PCLO: variants seen among roughly 807,000 people sequenced by gnomAD.
The protein encoded by PCLO is piccolo presynaptic cytomatrix protein, also known as protein piccolo.
A neutral mutation model predicts 427.5 loss-of-function variants in PCLO; 82 were observed. The observed-to-expected ratio is 0.19, with a 90% CI of 0.16 to 0.23. The LOEUF (loss-of-function observed/expected upper bound fraction) is 0.23. Among genes scored for constraint, PCLO ranks in the 10% least tolerant of loss-of-function variants. The probability of loss-of-function intolerance (pLI) is 1.00; values close to 1 mark genes in which losing one functional copy is unlikely to be tolerated. For missense variants in PCLO, 6,239 were observed against 6,115.9 expected (o/e 1.02, Z -0.67); for synonymous variants, 2,357 against 2,155.4 (o/e 1.09, Z -2.59).
At chr7:82,793,342 C>T (rs947095358) in intron 22 of PCLO, among the ~76,000 whole-genome samples, 1 of 152,106 alleles carries the variant, frequency 6.6e-6, no homozygotes, top group South Asian at 2.1e-4. Context: ...GGTGAAGATG[C>T]AAAGCAGTAT....
intron 20 of PCLO, among the ~76,000 whole-genome samples, chr7:82,814,436 A>T (rs909564869): frequency 1.3e-5 from 2 of 151,300 alleles, no homozygotes; most frequent in African/African-American, 4.8e-5. Flanking sequence ...TAAGTTGGTG[A>T]CTTTTATATA....
chr7:83,009,022 C>T (rs1383118127), intron 3 of PCLO, among the ~76,000 whole-genome samples: 1 of 151,524 alleles, frequency 6.6e-6, no homozygotes, highest in Non-Finnish European at 1.5e-5. Flanking sequence ...CAATTCTATA[C>T]CCATAAATAT....
chr7:82,981,463 G>C (rs1357200747), intron 3 of PCLO, among the ~76,000 whole-genome samples: 1 of 152,024 alleles, frequency 6.6e-6, no homozygotes, highest in African/African-American at 2.4e-5. Context: ...AGAAAGATCA[G>C]AATTTCAAGA....
intron 9 of PCLO, among the ~76,000 whole-genome samples, chr7:82,888,239 T>G (rs1793674902): frequency 6.6e-6 from 1 of 152,168 alleles, no homozygotes; most frequent in South Asian, 2.1e-4. Flanking sequence ...TGGAACACAC[T>G]TGTACTGAGG....
intron 22 of PCLO, among the ~76,000 whole-genome samples, chr7:82,771,855 G>T (rs1306387437): frequency 2.0e-5 from 3 of 152,046 alleles, no homozygotes; most frequent in Non-Finnish European, 2.9e-5. Flanking sequence ...TTTGTGAGGA[G>T]TATATTCTGG....
chr7:82,836,604 A>C (rs1792239323), intron 15 of PCLO, among the ~76,000 whole-genome samples: 1 of 152,172 alleles, frequency 6.6e-6, no homozygotes, highest in Non-Finnish European at 1.5e-5. Context: ...TTTAAAATAA[A>C]ATTATTGAGA....
intron 4 of PCLO, among the ~76,000 whole-genome samples, chr7:82,963,413 G>A (rs767969884): frequency 1.3e-5 from 2 of 151,854 alleles, no homozygotes; most frequent in African/African-American, 2.4e-5. Context: ...TTATTTGTGC[G>A]ATTGCCAATT....
intron 3 of PCLO, among the ~76,000 whole-genome samples, chr7:83,106,018 G>A (rs1458562925): frequency 1.3e-5 from 2 of 152,178 alleles, no homozygotes; most frequent in East Asian, 3.9e-4. Context: ...ACACAGAGAG[G>A]AAACAAGTAG....
At chr7:82,866,655 T>TACACACAC (rs71096605) in intron 10 of PCLO, among the ~76,000 whole-genome samples, 52 of 143,194 alleles carry the variant, frequency 3.6e-4, no homozygotes, top group Non-Finnish European at 5.2e-4. Flanking sequence ...TGAAATTTTA[T>TACACACAC]ACACACACAC....
chr7:82,758,759 T>G, intron 24 of PCLO, 44 bp from the exon 25 acceptor site: 1 of 1,171,316 alleles, frequency 8.5e-7, no homozygotes. Flanking sequence ...TTTATACACA[T>G]ATACATGTGT....
At chr7:82,792,950 G>C (rs752519432) in intron 22 of PCLO, among the ~76,000 whole-genome samples, 16 of 151,028 alleles carry the variant, frequency 1.1e-4, no homozygotes, top group South Asian at 2.1e-4. Flanking sequence ...GAGAAAATTT[G>C]GTTCTTATAT....
chr7:83,143,784 C>T (rs887093187), intron 2 of PCLO, among the ~76,000 whole-genome samples: 1 of 152,068 alleles, frequency 6.6e-6, no homozygotes, highest in African/African-American at 2.4e-5. Context: ...ATTGAACTTA[C>T]ATGCATTATG....
rs1291897430 is a variant in PCLO, at chr7:82,755,113, C to T, written c.*3462G>A. 2 of 151,956 alleles carry T rather than the reference C, an allele frequency of 1.3e-5. No individual in the cohort carries two copies. Among genetic ancestry groups the T allele is most frequent in the Non-Finnish European group, 2.9e-5 (2 of 67,982 alleles). The allele number at this position is 151,956 out of a possible 1,614,324, so 9.4% of individuals were successfully genotyped here. ...CCACCGCTAATATCACTACTGCTACCACCACTATCATTACAGTCATTCCTA... is the reference window on the plus strand; with the variant it reads ...CCACCGCTAATATCACTACTGCTACTACCACTATCATTACAGTCATTCCTA... On this transcript the variant is annotated 3_prime_UTR_variant, in exon 25 of 25. Transcript: ENST00000333891.
At chr7:82,814,473 CTT>C (rs1321414761) in intron 20 of PCLO, among the ~76,000 whole-genome samples, 1 of 150,598 alleles carries the variant, frequency 6.6e-6, no homozygotes, top group East Asian at 1.9e-4. Context: ...TATTTAAACA[CTT>C]CAACATAATT....
chr7:82,916,524 C>T lies in PCLO; in HGVS notation c.11462G>A (p.Arg3821Gln), dbSNP rs573558775. ...ALLKEREKRE[R>Q]AYLQGVAEDR... is the part of the protein sequence containing the mutation. Reference sequence around the variant, plus strand: ...CTCAGCTACTCCCTGGAGGTAGGCTCGTTCTCTCTTTTCTCTCTCCTTTAA... The same window carrying T: ...CTCAGCTACTCCCTGGAGGTAGGCTTGTTCTCTCTTTTCTCTCTCCTTTAA... The change falls in exon 7 of 25, where the codon CGA (arginine) becomes CAA (glutamine). Residue 3821 changes from arginine (R) to glutamine (Q), a missense_variant. Physicochemically the swap from Arg to Gln is conservative, Grantham distance 43. This residue lies in a region of PCLO where 680 missense variants were observed against 677.3 expected (regional missense o/e 1.00). Coordinates refer to ENST00000333891, the MANE Select transcript of PCLO (RefSeq NM_033026.6). 15 of 1,613,642 alleles carry T rather than the reference C, an allele frequency of 9.3e-6. No individual in the cohort carries two copies. The highest frequency in any genetic ancestry group is 8.8e-5 in the South Asian group (8 of 91,072).
intron 3 of PCLO, among the ~76,000 whole-genome samples, chr7:82,972,662 G>A (rs1795931762): frequency 6.6e-6 from 1 of 152,066 alleles, no homozygotes; most frequent in Non-Finnish European, 1.5e-5. Context: ...TGTAGTCAAA[G>A]ACTGGGTAGG....
In PCLO at chr7:82,914,808, C is replaced by A; in HGVS notation, c.13178G>T (p.Gly4393Val). The change falls in exon 7 of 25, where the codon GGA (glycine) becomes GTA (valine). Residue 4393 changes from glycine (G) to valine (V), a missense_variant. Transcript: ENST00000333891. Reference sequence around the variant, plus strand: ...AACTTCAGGCAATGAGTGGCTTGATCCAAACTGATCCCTGGTGTCTGCAGA... The same window carrying A: ...AACTTCAGGCAATGAGTGGCTTGATACAAACTGATCCCTGGTGTCTGCAGA... ...PISADTRDQF[G>V]SSHSLPEVQQ... is the part of the protein sequence containing the mutation. 1 of 1,613,436 alleles carries A rather than the reference C, an allele frequency of 6.2e-7. No homozygotes were observed. The highest frequency in any genetic ancestry group is 8.5e-7 in the Non-Finnish European group (1 of 1,179,688).
chr7:82,864,507 T>G (rs1297010740), intron 10 of PCLO, among the ~76,000 whole-genome samples: 2 of 152,110 alleles, frequency 1.3e-5, no homozygotes, highest in Non-Finnish European at 2.9e-5. Flanking sequence ...CTTAATTAAT[T>G]TTCTAATATT....
intron 22 of PCLO, among the ~76,000 whole-genome samples, chr7:82,780,114 A>C (rs369354889): frequency 1.6e-4 from 24 of 152,198 alleles, no homozygotes; most frequent in African/African-American, 5.1e-4. Context: ...GGAACACCAC[A>C]TTTATAACTC....
Sources: allele counts gnomAD v4.1 joint callset (sites outside exome capture counted in the v4.1 genomes callset), GRCh38; gene constraint gnomAD v4.1.1; regional missense constraint gnomAD v4.1.1; transcripts MANE v1.5; gene names NCBI Gene and HGNC (gene_info 2026-07-23, HGNC 2026-07-21).